The following MIS18A variants were observed in gnomAD, a reference collection of about 807,000 sequenced individuals.
The protein encoded by MIS18A is MIS18 kinetochore protein A.
MIS18A carries 14 observed loss-of-function variants against 25.0 expected under a neutral mutation model. The ratio of observed to expected loss-of-function variants is 0.56; its 90% CI spans 0.37 to 0.88. The LOEUF (loss-of-function observed/expected upper bound fraction) is 0.88. MIS18A is among the 40% of genes least tolerant of loss of function. The pLI, the probability that MIS18A is intolerant of heterozygous loss-of-function variation, is 0.00. For missense variants in MIS18A, 292 were observed against 290.8 expected, an observed-to-expected ratio of 1.00 and a Z score of -0.03; for synonymous variants, 134 against 118.6, an observed-to-expected ratio of 1.13 and a Z score of -0.84.
the MIS18A span, among the ~76,000 whole-genome samples, chr21:32,244,743 C>T: frequency 2.6e-5 from 4 of 152,192 alleles, no homozygotes; most frequent in African/African-American, 9.6e-5. Flanking sequence ...AGAAACCAAC[C>T]AACCAACCAA....
chr21:32,278,378 T>A, intron 1 of MIS18A: 1 of 411,100 alleles, frequency 2.4e-6, no homozygotes, highest in Non-Finnish European at 4.3e-6. Context: ...TCTCTTTTTT[T>A]AGGGTCTTTA....
the MIS18A span, among the ~76,000 whole-genome samples, chr21:32,235,297 G>A: frequency 6.6e-6 from 1 of 152,318 alleles, no homozygotes; most frequent in Middle Eastern, 3.4e-3. Flanking sequence ...CAGCCCTCTT[G>A]CCTCGAAGTG....
chr21:32,181,482 G>A, the MIS18A span, among the ~76,000 whole-genome samples: 1 of 152,172 alleles, frequency 6.6e-6, no homozygotes, highest in African/African-American at 2.4e-5. Context: ...CTTAGTTTGA[G>A]TGAGAGCACA....
the MIS18A span, among the ~76,000 whole-genome samples, chr21:32,162,963 A>G: frequency 6.6e-6 from 1 of 152,196 alleles, no homozygotes; most frequent in African/African-American, 2.4e-5. Context: ...TAATCTCAGT[A>G]TCTAAGCAAG....
Position 32,279,008 on chromosome 21 carries a change from C to CT in MIS18A, c.6dup (p.Gly3ArgfsTer8). ...CTGCTACACCTCAGTGACCGAACGC[C>CT]TGCCATTACCTACAAATCGCCCGCG... On this transcript the variant is annotated frameshift_variant, in exon 1 of 5. Coordinates refer to ENST00000290130, the MANE Select transcript of MIS18A (RefSeq NM_018944.3). LOFTEE classifies it high-confidence loss of function. 2 of 1,593,708 alleles carry CT rather than the reference C, an allele frequency of 1.3e-6. No individual in the cohort carries two copies. The highest frequency in any genetic ancestry group is 8.5e-7 in the Non-Finnish European group (1 of 1,169,802).
At chr21:32,251,671 C>A in the MIS18A span, among the ~76,000 whole-genome samples, 1 of 152,118 alleles carries the variant, frequency 6.6e-6, no homozygotes, top group Non-Finnish European at 1.5e-5. Context: ...GATTTGTCAA[C>A]AATGAAAAGA....
At position 32,279,044 on chromosome 21, in the gene MIS18A, C is replaced by A. The variant is rs1426297808; in HGVS notation, c.-30G>T. On this transcript the variant is annotated 5_prime_UTR_variant, in exon 1 of 5. Coordinates refer to ENST00000290130, the MANE Select transcript of MIS18A (RefSeq NM_018944.3). ...TACAAATCGCCCGCGCCCCAGAGCG[C>A]CATGGGAAAAAAAACCGCCGCTGCT... is the stretch of plus-strand genomic sequence containing the variant. The A allele has an allele frequency of 5.1e-6, 8 of 1,558,370 alleles. No homozygotes were observed. The highest frequency in any genetic ancestry group is 6.9e-6 in the Non-Finnish European group (8 of 1,155,796).
chr21:32,184,855 G>A, the MIS18A span, among the ~76,000 whole-genome samples: 333 of 152,100 alleles, frequency 2.2e-3, 3 homozygotes, highest in Non-Finnish European at 3.9e-3. Context: ...CCAGCCACAG[G>A]GTCCTGGTGA....
chr21:32,213,485 T>A, the MIS18A span, among the ~76,000 whole-genome samples: 3 of 152,244 alleles, frequency 2.0e-5, no homozygotes, highest in Non-Finnish European at 2.9e-5. Flanking sequence ...ATGCACGGAA[T>A]ACCTCTGGAA....
At chr21:32,185,229 A>G in the MIS18A span, among the ~76,000 whole-genome samples, 2 of 152,032 alleles carry the variant, frequency 1.3e-5, no homozygotes, top group Non-Finnish European at 2.9e-5. Flanking sequence ...GGCAGTTTCT[A>G]TAAACACCCT....
the MIS18A span, among the ~76,000 whole-genome samples, chr21:32,257,714 G>A: frequency 3.9e-5 from 6 of 152,236 alleles, no homozygotes; most frequent in South Asian, 1.0e-3. Flanking sequence ...GGAGATGGAC[G>A]CCAGGGATGT....
chr21:32,249,607 G>T, the MIS18A span, among the ~76,000 whole-genome samples: 3 of 152,166 alleles, frequency 2.0e-5, no homozygotes, highest in Non-Finnish European at 2.9e-5. Flanking sequence ...ATTTTGTGTT[G>T]CTATAAAGGA....
At chr21:32,266,753 C>CT (rs1569012156), downstream of MIS18A, among the ~76,000 whole-genome samples, 1 of 152,032 alleles carries the variant, frequency 6.6e-6, no homozygotes, top group African/African-American at 2.4e-5. Flanking sequence ...ACACTCACTG[C>CT]GAGAGTCCGC....
chr21:32,270,440 T>A lies in MIS18A; in HGVS notation c.491A>T (p.Asp164Val). The stretch of plus-strand genomic sequence containing the variant: ...GGCTTCAACACTGAGGCAAAACAAG[T>A]CTCTCTTGTAATCAAGATTCTTGGG... ...CTPKNLDYKR[D>V]LFCLSVEAIE... is the part of the protein sequence containing the mutation. Residue 164 changes from aspartate (D) to valine (V), a missense_variant, in exon 3 of 5, where the codon GAC becomes GTC. Coordinates refer to ENST00000290130, the MANE Select transcript of MIS18A (RefSeq NM_018944.3). 1 of 1,613,864 alleles carries A rather than the reference T, an allele frequency of 6.2e-7. No homozygotes were observed. The highest frequency in any genetic ancestry group is 1.3e-5 in the African/African-American group (1 of 75,002).
At chr21:32,258,658 T>C in the MIS18A span, among the ~76,000 whole-genome samples, 1 of 152,064 alleles carries the variant, frequency 6.6e-6, no homozygotes, top group South Asian at 2.1e-4. Context: ...GCAAAATTAG[T>C]AATCACACCA....
the MIS18A span, among the ~76,000 whole-genome samples, chr21:32,157,223 A>ATTTTTTTTTTTTTTTTTTTT: frequency 5.7e-4 from 41 of 72,318 alleles, 2 homozygotes; most frequent in Middle Eastern, 7.8e-3. Context: ...TACCCGGCTA[A>ATTTTTTTTTTTTTTTTTTTT]TTTTTTTTTT....
At chr21:32,180,210 G>A in the MIS18A span, among the ~76,000 whole-genome samples, 1 of 152,292 alleles carries the variant, frequency 6.6e-6, no homozygotes, top group East Asian at 1.9e-4. Flanking sequence ...TTTCAGACAG[G>A]TGAACCTACA....
At chr21:32,206,999 C>T in the MIS18A span, among the ~76,000 whole-genome samples, 19 of 152,348 alleles carry the variant, frequency 1.2e-4, no homozygotes, top group African/African-American at 3.8e-4. Context: ...TTCCCCTGCA[C>T]GCCCCTTTCC....
At chr21:32,191,465 G>T in the MIS18A span, among the ~76,000 whole-genome samples, 1 of 152,272 alleles carries the variant, frequency 6.6e-6, no homozygotes, top group South Asian at 2.1e-4. Flanking sequence ...TGTGGTGCAA[G>T]CCTGTAGTCC....
Sources: gnomAD v4.1 joint callset for allele counts (sites outside exome capture counted in the v4.1 genomes callset) on GRCh38, gnomAD v4.1.1 for gene constraint, MANE v1.5 for transcripts, NCBI Gene and HGNC (gene_info 2026-07-23, HGNC 2026-07-21) for gene names.